The following SLC24A4 variants were observed in gnomAD, a reference collection of about 807,000 sequenced individuals.
SLC24A4 encodes sodium/potassium/calcium exchanger 4.
Under a neutral mutation model 79.0 loss-of-function variants are expected in SLC24A4, and 53 were observed. That is an observed-to-expected ratio of 0.67 (90% CI 0.54 to 0.84). The LOEUF (loss-of-function observed/expected upper bound fraction) is 0.84. Among genes scored for constraint, SLC24A4 ranks in the 40% least tolerant of loss-of-function variants. The pLI is 0.00. For synonymous variants in SLC24A4, 323 were observed against 323.8 expected (o/e 1.00, Z 0.03); for missense variants, 731 against 822.0 (o/e 0.89, Z 1.35).
chr14:92,367,647 C>T (rs1887928068), intron 2 of SLC24A4, among the ~76,000 whole-genome samples: 1 of 152,238 alleles, frequency 6.6e-6, no homozygotes, highest in Non-Finnish European at 1.5e-5. Flanking sequence ...AGGAGAGAGG[C>T]TACCCTTCCT....
intron 9 of SLC24A4, 123 bp from the exon 10 acceptor site, chr14:92,448,951 C>T: frequency 1.7e-6 from 2 of 1,193,808 alleles, no homozygotes; most frequent in East Asian, 2.4e-5. Context: ...TCCACACCTC[C>T]CCTGCCACCC....
At chr14:92,423,150 T>TTTCATTTCATTTCA (rs59132643) in intron 2 of SLC24A4, among the ~76,000 whole-genome samples, 2 of 150,590 alleles carry the variant, frequency 1.3e-5, no homozygotes, top group South Asian at 2.1e-4. Context: ...TTTCATTTCA[T>TTTCATTTCATTTCA]TTTTTTTTGA....
intron 12 of SLC24A4, among the ~76,000 whole-genome samples, chr14:92,475,527 A>G (rs561808724): frequency 6.6e-6 from 1 of 152,344 alleles, no homozygotes; most frequent in East Asian, 1.9e-4. Flanking sequence ...CAAAGCAGTT[A>G]CAGAAGGGAG....
rs76282236 is a variant in SLC24A4, at chr14:92,353,587, A to G, written c.241+27609A>G. On this transcript the variant is annotated intron_variant, in intron 2 of 16. Transcript: ENST00000532405. The surrounding 1 kb of genome is among the most constrained non-coding windows in gnomAD (Gnocchi z 4.1). The stretch of plus-strand genomic sequence containing the variant: ...GTTATCAGACCTGTTGAGTTTGCCA[A>G]TCTGGAGGGTGAATCATGGTATCTC... 0.13 allele frequency among the ~76,000 whole-genome samples: 19,418 copies of G among 152,186 alleles called. 1,312 individuals are homozygous for G. Among genetic ancestry groups the G allele is most frequent in the Admixed American group, 0.15 (2,250 of 15,290 alleles).
chr14:92,451,123 C>T (rs1417107150), intron 10 of SLC24A4: 1 of 152,272 alleles, frequency 6.6e-6, no homozygotes, highest in African/African-American at 2.4e-5. Context: ...CTTCCTGCAG[C>T]TTTTATCAGA....
intron 16 of SLC24A4, among the ~76,000 whole-genome samples, chr14:92,493,271 CAG>C (rs1555376622): frequency 6.6e-6 from 1 of 152,158 alleles, no homozygotes; most frequent in Non-Finnish European, 1.5e-5. Flanking sequence ...GCGGCTAGGA[CAG>C]AGACTCGCCC....
At chr14:92,366,551 A>G (rs1299734267) in intron 2 of SLC24A4, among the ~76,000 whole-genome samples, 1 of 152,114 alleles carries the variant, frequency 6.6e-6, no homozygotes, top group Non-Finnish European at 1.5e-5. Flanking sequence ...GCACAGGGCT[A>G]CCCTGCCAGT....
chr14:92,449,288 A>G, intron 10 of SLC24A4, 72 bp downstream of exon 10: 1 of 314,622 alleles, frequency 3.2e-6, no homozygotes. Flanking sequence ...GTGTACACAC[A>G]CACACACACA....
At position 92,423,411 on chromosome 14, in the gene SLC24A4, C is replaced by A. The variant is rs1026934456; in HGVS notation, c.242-10501C>A. On this transcript the variant is annotated intron_variant, in intron 2 of 16. Coordinates refer to ENST00000532405, the MANE Select transcript of SLC24A4 (RefSeq NM_153646.4). ...CTGCCTGCCTCGGCCTTTCAAAGTGCGGCCTCCTAAAGTGCTGGGATTACA... is the reference window on the plus strand; with the variant it reads ...CTGCCTGCCTCGGCCTTTCAAAGTGAGGCCTCCTAAAGTGCTGGGATTACA... Among the ~76,000 whole-genome samples, 12 of 152,310 alleles carry A rather than the reference C, an allele frequency of 7.9e-5. No individual in the cohort carries two copies. In the East Asian group the frequency reaches 2.3e-3, roughly 29 times the overall value.
In SLC24A4 at chr14:92,490,672, C is replaced by T. The variant is rs6575260; in HGVS notation, c.1538-993C>T. 0.99 allele frequency among the ~76,000 whole-genome samples: 150,923 copies of T among 152,328 alleles called. 74,785 individuals are homozygous for T. The highest frequency in any genetic ancestry group is 1 in the Middle Eastern group (294 of 294). Reference sequence around the variant, plus strand: ...AGCCTCAGTTTCATCTTCTGTCACGCGAGGTTATGCCCCACTCCGGCCTCC... The same window carrying T: ...AGCCTCAGTTTCATCTTCTGTCACGTGAGGTTATGCCCCACTCCGGCCTCC... On this transcript the variant is annotated intron_variant, in intron 14 of 16. Transcript: ENST00000532405. The surrounding 1 kb of genome is among the most constrained non-coding windows in gnomAD (Gnocchi z 4.3).
intron 2 of SLC24A4, among the ~76,000 whole-genome samples, chr14:92,405,670 A>T (rs1021879802): frequency 1.3e-5 from 2 of 152,128 alleles, no homozygotes; most frequent in East Asian, 1.9e-4. Flanking sequence ...AGCAGGAGAG[A>T]GAGAGAGAAG....
rs974663274 is a variant in SLC24A4, at chr14:92,356,648, C to T, written c.241+30670C>T. Among the ~76,000 whole-genome samples the T allele has an allele frequency of 5.4e-4, 82 of 152,332 alleles. 1 individual carries two copies. The highest frequency in any genetic ancestry group is 7.7e-4 in the East Asian group (4 of 5,184). ...GAATTAATACATGTAAGTCACATGG[C>T]GCAGTGGCTGGAACAGAGCACGTGC... On this transcript the variant is annotated intron_variant, in intron 2 of 16. Coordinates refer to ENST00000532405, the MANE Select transcript of SLC24A4 (RefSeq NM_153646.4).
chr14:92,440,261 TC>T (rs2139806909), intron 4 of SLC24A4, among the ~76,000 whole-genome samples: 1 of 152,140 alleles, frequency 6.6e-6, no homozygotes, highest in Non-Finnish European at 1.5e-5. Context: ...TTACCCCACA[TC>T]CCCTCAGATG....
intron 2 of SLC24A4, among the ~76,000 whole-genome samples, chr14:92,331,184 G>A (rs911105288): frequency 1.3e-5 from 2 of 152,180 alleles, no homozygotes; most frequent in African/African-American, 4.8e-5. Context: ...CACCTTCACA[G>A]GCTTTCCCTG....
At chr14:92,455,812 T>G (rs1893421953) in intron 11 of SLC24A4, among the ~76,000 whole-genome samples, 1 of 152,236 alleles carries the variant, frequency 6.6e-6, no homozygotes, top group African/African-American at 2.4e-5. Context: ...GCGATTCTCC[T>G]GCCTCAGCCT....
intron 2 of SLC24A4, among the ~76,000 whole-genome samples, chr14:92,409,086 G>C (rs1413003659): frequency 6.6e-6 from 1 of 152,188 alleles, no homozygotes; most frequent in Non-Finnish European, 1.5e-5. Context: ...GTGGGACTGG[G>C]TCAGGACGGC....
chr14:92,409,753 G>A lies in SLC24A4; in HGVS notation c.242-24159G>A, dbSNP rs556921687. Among the ~76,000 whole-genome samples the A allele has an allele frequency of 1.7e-4, 26 of 152,002 alleles. No homozygotes were observed. In the South Asian group the frequency reaches 4.6e-3, roughly 27 times the overall value. On this transcript the variant is annotated intron_variant, in intron 2 of 16. Transcript: ENST00000532405. The stretch of plus-strand genomic sequence containing the variant: ...TATGCACACAAGTCTTTATTGCAGC[G>A]CTATTCACAATAGCAAAGACATGCA...
At chr14:92,416,607 C>T (rs981413002) in intron 2 of SLC24A4, among the ~76,000 whole-genome samples, 3 of 152,208 alleles carry the variant, frequency 2.0e-5, no homozygotes, top group Non-Finnish European at 4.4e-5. Context: ...GCTGGAGGTT[C>T]AGTGAACTCA....
At chr14:92,454,649 G>A (rs1471012458) in intron 11 of SLC24A4, among the ~76,000 whole-genome samples, 1 of 152,254 alleles carries the variant, frequency 6.6e-6, no homozygotes, top group Admixed American at 6.5e-5. Flanking sequence ...ACTCTGAGAA[G>A]CAGATGGGTT....
Sources: allele counts gnomAD v4.1 joint callset (sites outside exome capture counted in the v4.1 genomes callset), GRCh38; gene constraint gnomAD v4.1.1; non-coding constraint Gnocchi (gnomAD v3.1); transcripts MANE v1.5; gene names NCBI Gene and HGNC (gene_info 2026-07-23, HGNC 2026-07-21).